NTRK2: variants seen among roughly 807,000 people sequenced by gnomAD.
NTRK2 encodes the protein BDNF/NT-3 growth factors receptor.
In NTRK2, 13 loss-of-function variants were observed where a neutral mutation model predicts 94.5. The ratio of observed to expected loss-of-function variants is 0.14; its 90% confidence interval spans 0.09 to 0.22. The LOEUF (loss-of-function observed/expected upper bound fraction) is 0.22. Among genes scored for constraint, NTRK2 ranks in the 10% least tolerant of loss-of-function variants. NTRK2 has a pLI of 1.00. For missense variants in NTRK2, 639 were observed against 1,071.2 expected (o/e 0.60, Z 5.63); for synonymous variants, 372 against 407.4 (o/e 0.91, Z 1.05).
chr9:84,983,546 A>G (rs1827915638), intron 17 of NTRK2, among the ~76,000 whole-genome samples: 1 of 152,214 alleles, frequency 6.6e-6, no homozygotes, highest in Non-Finnish European at 1.5e-5. Flanking sequence ...TTAGAAAATA[A>G]GTACAAATCA....
At chr9:84,883,363 G>T (rs2076322649) in intron 14 of NTRK2, among the ~76,000 whole-genome samples, 1 of 152,138 alleles carries the variant, frequency 6.6e-6, no homozygotes, top group African/African-American at 2.4e-5. Flanking sequence ...CTGATACATG[G>T]TTACCCTTCC....
At chr9:84,686,994 C>A (rs183349562) in intron 2 of NTRK2, among the ~76,000 whole-genome samples, 1 of 151,990 alleles carries the variant, frequency 6.6e-6, no homozygotes. Flanking sequence ...ATTCATAATA[C>A]GTATACAAAT....
intron 12 of NTRK2, among the ~76,000 whole-genome samples, chr9:84,844,473 T>A (rs1311182266): frequency 6.6e-6 from 1 of 152,182 alleles, no homozygotes; most frequent in Non-Finnish European, 1.5e-5. Flanking sequence ...ATTCTTCTCT[T>A]GTTATATTTG....
rs2075897655 is a variant in NTRK2, at chr9:84,872,379, T to A, written c.1633+4948T>A. The A allele has an allele frequency of 7.3e-6, 8 of 1,091,300 alleles. No homozygotes were observed. The Admixed American group carries it at 1.3e-4, about 18-fold the overall frequency. The allele number at this position is 1,091,300 out of a possible 1,614,324, so 67.6% of individuals were successfully genotyped here. On this transcript the variant is annotated intron_variant, in intron 14 of 18. Coordinates refer to ENST00000277120, the MANE Select transcript of NTRK2 (RefSeq NM_006180.6). ...GGTTCTCTTGAAGGGCAGGAGTGTG[T>A]TTTATCTTCTCCCGTCGGAGCAAAC... is the stretch of plus-strand genomic sequence containing the variant.
At chr9:85,020,063 G>T in intron 17 of NTRK2, 143 bp from the exon 18 acceptor site, 1 of 844,432 alleles carries the variant, frequency 1.2e-6, no homozygotes, top group South Asian at 1.4e-5. Context: ...AGACTGTGAA[G>T]AAGTCATATA....
chr9:84,948,135 A>G, intron 15 of NTRK2, among the ~76,000 whole-genome samples: 1 of 152,236 alleles, frequency 6.6e-6, no homozygotes, highest in East Asian at 1.9e-4. Flanking sequence ...TGCACATAGC[A>G]TCACAGAAAG....
intron 4 of NTRK2, among the ~76,000 whole-genome samples, chr9:84,706,816 C>T (rs1350902098): frequency 6.6e-6 from 1 of 152,074 alleles, no homozygotes; most frequent in African/African-American, 2.4e-5. Flanking sequence ...AGGCGTGAGC[C>T]ACCGCACCTG....
At chr9:84,729,402 C>T (rs1167716510) in intron 9 of NTRK2, among the ~76,000 whole-genome samples, 1 of 152,208 alleles carries the variant, frequency 6.6e-6, no homozygotes, top group Non-Finnish European at 1.5e-5. Context: ...AGTTTAGCTG[C>T]TTGGCTATGG....
intron 12 of NTRK2, among the ~76,000 whole-genome samples, chr9:84,835,666 CA>C (rs1261602583): frequency 6.6e-6 from 1 of 152,188 alleles, no homozygotes; most frequent in African/African-American, 2.4e-5. Flanking sequence ...AGTTGTCTCT[CA>C]AAATCATTGC....
chr9:84,879,773 T>C (rs767664835), intron 14 of NTRK2, among the ~76,000 whole-genome samples: 1 of 152,198 alleles, frequency 6.6e-6, no homozygotes, highest in African/African-American at 2.4e-5. Context: ...GGAATTGTAG[T>C]GTTGGCATTG....
chr9:84,748,373 T>C (rs1437237988), intron 11 of NTRK2, among the ~76,000 whole-genome samples: 3 of 152,258 alleles, frequency 2.0e-5, no homozygotes, highest in African/African-American at 7.2e-5. Context: ...TGTTTACAGA[T>C]CCTTAGCTGC....
At chr9:84,855,454 CTT>C (rs748998583) in intron 12 of NTRK2, among the ~76,000 whole-genome samples, 13 of 152,072 alleles carry the variant, frequency 8.5e-5, no homozygotes, top group Non-Finnish European at 1.3e-4. Flanking sequence ...GGTGAGAACT[CTT>C]TGAAAATCTG....
At chr9:84,946,186 C>T (rs1211528550) in intron 15 of NTRK2, among the ~76,000 whole-genome samples, 1 of 152,172 alleles carries the variant, frequency 6.6e-6, no homozygotes, top group Non-Finnish European at 1.5e-5. Flanking sequence ...CAGATGTTCC[C>T]ATTTGCCATC....
rs2132884461 is a variant in NTRK2 at position 84,948,557 on chromosome 9, T to C, written c.1860T>C (p.Tyr620=). ...AGCATGAGCACATCGTCAAGTTCTATGGCGTCTGCGTGGAGGGCGACCCCC... is the reference window on the plus strand; with the variant it reads ...AGCATGAGCACATCGTCAAGTTCTACGGCGTCTGCGTGGAGGGCGACCCCC... ...NLQHEHIVKF[Y]GVCVEGDPLI... Residue 620 remains tyrosine, a synonymous_variant, in exon 16 of 19, where the codon TAT becomes TAC. Coordinates refer to ENST00000277120, the MANE Select transcript of NTRK2 (RefSeq NM_006180.6). 3 of 1,614,060 alleles carry C rather than the reference T, an allele frequency of 1.9e-6. No individual in the cohort carries two copies. Among genetic ancestry groups the C allele is most frequent in the East Asian group, 2.2e-5 (1 of 44,864 alleles).
At chr9:84,826,840 G>A (rs1034070224) in intron 12 of NTRK2, among the ~76,000 whole-genome samples, 2 of 152,154 alleles carry the variant, frequency 1.3e-5, no homozygotes, top group Non-Finnish European at 2.9e-5. Context: ...GGACATCAAG[G>A]TGAAAGAGAC....
chr9:84,744,967 C>T lies in NTRK2; in HGVS notation c.1196-6C>T, dbSNP rs1271908100. 2 of 1,609,186 alleles carry T rather than the reference C, an allele frequency of 1.2e-6. No homozygotes were observed. The highest frequency in any genetic ancestry group is 8.5e-7 in the Non-Finnish European group (1 of 1,175,542). ...TTCTTCCTCATTCCCCCTTTGCCCA[C>T]TTAAGATTATGGAACTGCAGCGAAT... On this transcript the variant is annotated splice_region_variant and splice_polypyrimidine_tract_variant and intron_variant, in intron 10 of 18. Coordinates refer to ENST00000277120, the MANE Select transcript of NTRK2 (RefSeq NM_006180.6).
chr9:85,024,126 A>G lies in NTRK2; in HGVS notation c.*2689A>G, dbSNP rs887299353. On this transcript the variant is annotated 3_prime_UTR_variant, in exon 19 of 19. Coordinates refer to ENST00000277120, the MANE Select transcript of NTRK2 (RefSeq NM_006180.6). ...GTTATTTTTATTGCTGATTATTACT[A>G]TTACTATCTCTGTTGTCTTAAGAGT... 2 of 230,884 alleles carry G rather than the reference A, an allele frequency of 8.7e-6. No homozygotes were observed. The highest frequency in any genetic ancestry group is 2.2e-5 in the African/African-American group (1 of 45,226). 14.3% of individuals were successfully genotyped at this position (230,884 alleles called of 1,614,324 possible). A position where few individuals can be genotyped will look rare whatever the true frequency, so the allele number is the denominator to read the frequency against.
At chr9:84,959,846 C>T (rs1351851365) in intron 17 of NTRK2, among the ~76,000 whole-genome samples, 6 of 152,184 alleles carry the variant, frequency 3.9e-5, no homozygotes, top group Non-Finnish European at 8.8e-5. Flanking sequence ...CATGCCTGTG[C>T]CGCATTGAGA....
At chr9:84,972,443 G>T (rs1826295729) in intron 17 of NTRK2, among the ~76,000 whole-genome samples, 1 of 152,182 alleles carries the variant, frequency 6.6e-6, no homozygotes, top group Admixed American at 6.5e-5. Flanking sequence ...AGTTTATGAA[G>T]GGGCTTCAGT....
Sources: allele counts gnomAD v4.1 joint callset (sites outside exome capture counted in the v4.1 genomes callset), GRCh38; gene constraint gnomAD v4.1.1; transcripts MANE v1.5; gene names NCBI Gene and HGNC (gene_info 2026-07-23, HGNC 2026-07-21).